Variants in NLGN1 observed in about 807,000 individuals in gnomAD.
The protein encoded by NLGN1 is neuroligin 1.
NLGN1 carries 12 observed loss-of-function variants against 65.5 expected under a neutral mutation model. The observed-to-expected ratio is 0.18, with a 90% CI of 0.12 to 0.30. The LOEUF (loss-of-function observed/expected upper bound fraction) is 0.30. Ranked by LOEUF, NLGN1 falls within the 10% of genes least tolerant of loss-of-function variation. The probability of loss-of-function intolerance (pLI) is 1.00; values close to 1 mark genes in which losing one functional copy is unlikely to be tolerated. For synonymous variants in NLGN1, 350 were observed against 359.5 expected (o/e 0.97, Z 0.30); for missense variants, 750 against 1,007.1 (o/e 0.74, Z 3.46).
intron 4 of NLGN1, among the ~76,000 whole-genome samples, chr3:174,177,656 A>G (rs117075452): frequency 6.6e-6 from 1 of 152,082 alleles, no homozygotes; most frequent in Non-Finnish European, 1.5e-5. Flanking sequence ...CTGTTCCTAG[A>G]TTAGCAAGTC....
chr3:173,985,779 G>A (rs998364523), intron 4 of NLGN1, among the ~76,000 whole-genome samples: 40 of 151,856 alleles, frequency 2.6e-4, no homozygotes, highest in East Asian at 1.4e-3. Flanking sequence ...GCAAAACCCC[G>A]CCTCTACTAA....
chr3:173,825,991 C>A (rs1293902629), intron 4 of NLGN1, among the ~76,000 whole-genome samples: 1 of 151,952 alleles, frequency 6.6e-6, no homozygotes, highest in Non-Finnish European at 1.5e-5. Flanking sequence ...ATACCTGCAC[C>A]TATGAGACAT....
chr3:173,592,217 T>A (rs1393404711), intron 2 of NLGN1, among the ~76,000 whole-genome samples: 2 of 152,198 alleles, frequency 1.3e-5, no homozygotes, highest in East Asian at 3.8e-4. Flanking sequence ...AGTTTCAGAA[T>A]AAATAGAAAG....
intron 3 of NLGN1, among the ~76,000 whole-genome samples, chr3:173,707,764 A>G (rs1459501712): frequency 6.6e-6 from 1 of 152,192 alleles, no homozygotes; most frequent in African/African-American, 2.4e-5. Flanking sequence ...TAATGGCTAA[A>G]TCTAATTAAG....
intron 2 of NLGN1, among the ~76,000 whole-genome samples, chr3:173,533,606 G>A (rs1166202622): frequency 6.6e-6 from 1 of 152,088 alleles, no homozygotes; most frequent in East Asian, 1.9e-4. Context: ...CCATGAAAAT[G>A]AATGACCAAA....
chr3:174,105,164 T>C (rs948288440), intron 4 of NLGN1, among the ~76,000 whole-genome samples: 7 of 152,030 alleles, frequency 4.6e-5, no homozygotes, highest in African/African-American at 1.4e-4. Flanking sequence ...TAGAAAGACA[T>C]AATTTACGGG....
At chr3:173,526,745 C>T (rs567380923) in intron 2 of NLGN1, among the ~76,000 whole-genome samples, 4 of 152,286 alleles carry the variant, frequency 2.6e-5, no homozygotes, top group South Asian at 2.1e-4. Context: ...CCCGCTTTCC[C>T]CACTACCCTT....
intron 3 of NLGN1, 132 bp downstream of exon 3, chr3:173,605,725 G>A: frequency 2.4e-6 from 1 of 418,674 alleles, no homozygotes; most frequent in Middle Eastern, 3.6e-4. Flanking sequence ...GATGAAGGCT[G>A]TCAAGGAATA....
chr3:173,678,498 T>C (rs1763484460), intron 3 of NLGN1, among the ~76,000 whole-genome samples: 1 of 152,000 alleles, frequency 6.6e-6, no homozygotes, highest in Admixed American at 6.6e-5. Context: ...GAAGGAATCG[T>C]AGGAATTAAC....
intron 4 of NLGN1, among the ~76,000 whole-genome samples, chr3:173,991,799 TTTG>T (rs200724411): frequency 8.6e-5 from 13 of 152,004 alleles, no homozygotes; most frequent in African/African-American, 2.9e-4. Context: ...CTTGTGTTTT[TTTG>T]TTGTTGTTGT....
At chr3:173,906,023 T>C (rs565845854) in intron 4 of NLGN1, among the ~76,000 whole-genome samples, 4 of 152,322 alleles carry the variant, frequency 2.6e-5, no homozygotes, top group Admixed American at 1.3e-4. Flanking sequence ...TGTTTTCTAG[T>C]TGAGGAAACA....
intron 3 of NLGN1, among the ~76,000 whole-genome samples, chr3:173,698,817 G>A (rs1766643488): frequency 6.6e-6 from 1 of 150,692 alleles, no homozygotes; most frequent in Non-Finnish European, 1.5e-5. Context: ...GGTGAGAAAT[G>A]TTGTGTATTG....
At chr3:173,942,702 G>C (rs966739779) in intron 4 of NLGN1, among the ~76,000 whole-genome samples, 1 of 152,094 alleles carries the variant, frequency 6.6e-6, no homozygotes, top group Non-Finnish European at 1.5e-5. Context: ...AGTTGTATTT[G>C]TTATCCCTTT....
At chr3:174,266,046 ATTT>A (rs57391307) in intron 4 of NLGN1, among the ~76,000 whole-genome samples, 22,957 of 145,416 alleles carry the variant, frequency 0.16, 2,073 homozygotes, top group East Asian at 0.48. Context: ...ATATATATAT[ATTT>A]TTTTTTTCTT....
At chr3:173,763,932 C>T (rs1365696440) in intron 3 of NLGN1, among the ~76,000 whole-genome samples, 1 of 152,104 alleles carries the variant, frequency 6.6e-6, no homozygotes, top group East Asian at 1.9e-4. Context: ...AATAAAAGAT[C>T]ATTTTATATT....
chr3:173,747,801 CTTTTTTTTTTTTTT>C (rs749749824), intron 3 of NLGN1, among the ~76,000 whole-genome samples: 26 of 64,426 alleles, frequency 4.0e-4, no homozygotes, highest in Admixed American at 1.4e-3. Flanking sequence ...TCTTCTTGTT[CTTTTTTTTTTTTTT>C]TTTTTTTTTT....
intron 4 of NLGN1, among the ~76,000 whole-genome samples, chr3:173,819,158 T>A (rs1719658503): frequency 6.6e-6 from 1 of 152,080 alleles, no homozygotes; most frequent in South Asian, 2.1e-4. Flanking sequence ...ATTTGCAGAG[T>A]TCATTTTTTA....
chr3:173,779,207 A>G (rs898490498), intron 3 of NLGN1, among the ~76,000 whole-genome samples: 1 of 151,908 alleles, frequency 6.6e-6, no homozygotes, highest in East Asian at 1.9e-4. Context: ...TCAAAATTTT[A>G]TTTTAACACT....
chr3:173,846,602 TCCCTTTCCCACC>T (rs963005773), intron 4 of NLGN1, among the ~76,000 whole-genome samples: 40 of 152,186 alleles, frequency 2.6e-4, no homozygotes, highest in Non-Finnish European at 5.0e-4. Context: ...TGCCATCTGC[TCCCTTTCCCACC>T]CCCATTTCTA....
Sources: allele counts gnomAD v4.1 joint callset (sites outside exome capture counted in the v4.1 genomes callset), GRCh38; gene constraint gnomAD v4.1.1; transcripts MANE v1.5; gene names NCBI Gene and HGNC (gene_info 2026-07-23, HGNC 2026-07-21).